The following GASK1A variants were observed in gnomAD, a reference collection of about 807,000 sequenced individuals.
The protein encoded by GASK1A is golgi associated kinase 1A, also known as Golgi-associated kinase 1A.
In GASK1A, 40 loss-of-function variants were observed where a neutral mutation model predicts 41.2. That is an observed-to-expected ratio of 0.97 (90% CI 0.75 to 1.27). The LOEUF is 1.27. GASK1A is among the 50% of genes most tolerant of loss of function. The pLI is 0.00. For missense variants in GASK1A, 678 were observed against 745.1 expected (o/e 0.91, Z 1.05); for synonymous variants, 316 against 307.1 (o/e 1.03, Z -0.30).
Position 43,007,481 on chromosome 3 carries a change from G to A in GASK1A, c.4-24786G>A, listed in dbSNP as rs1042638556. Among the ~76,000 whole-genome samples the A allele has an allele frequency of 4.6e-5, 7 of 152,104 alleles. No homozygotes were observed. The East Asian group carries it at 1.2e-3, about 25-fold the overall frequency. ...TGGGTGTCTAGCTTCTTCTTAAGTC[G>A]ACTTTCAGCCAATCCTTTTGTTTTT... On this transcript the variant is annotated intron_variant, in intron 1 of 4. Coordinates refer to ENST00000430121, the MANE Select transcript of GASK1A (RefSeq NM_001129908.3).
At chr3:43,043,181 G>A (rs757074131) in intron 2 of GASK1A, among the ~76,000 whole-genome samples, 8 of 152,160 alleles carry the variant, frequency 5.3e-5, no homozygotes, top group Non-Finnish European at 1.0e-4. Context: ...CCTTTCCACC[G>A]TGAAGGTCCC....
intron 3 of GASK1A, among the ~76,000 whole-genome samples, chr3:43,054,590 C>T (rs1482715123): frequency 6.6e-6 from 1 of 152,074 alleles, no homozygotes; most frequent in Admixed American, 6.5e-5. Context: ...GTCCTGGAAA[C>T]AGAAGTTCAT....
chr3:43,005,267 C>T (rs796527007), intron 1 of GASK1A, among the ~76,000 whole-genome samples: 19 of 152,322 alleles, frequency 1.2e-4, no homozygotes, highest in African/African-American at 2.6e-4. Flanking sequence ...GATATCTTAA[C>T]GGCTGAGCAG....
intron 1 of GASK1A, among the ~76,000 whole-genome samples, chr3:42,981,677 A>G (rs1231308307): frequency 6.6e-6 from 1 of 152,230 alleles, no homozygotes; most frequent in Non-Finnish European, 1.5e-5. Context: ...GCTGAGAACC[A>G]CAGGGCAAGA....
chr3:42,993,359 T>C (rs1309976257), intron 1 of GASK1A, among the ~76,000 whole-genome samples: 3 of 152,220 alleles, frequency 2.0e-5, no homozygotes, highest in Non-Finnish European at 4.4e-5. Context: ...CTTTGAAATG[T>C]AGTTTTTATT....
At chr3:42,999,313 C>A (rs2089394039) in intron 1 of GASK1A, among the ~76,000 whole-genome samples, 1 of 152,224 alleles carries the variant, frequency 6.6e-6, no homozygotes, top group Non-Finnish European at 1.5e-5. Context: ...CTGGACGGAG[C>A]TGGTGCATAC....
chr3:43,037,678 A>G lies in GASK1A; in HGVS notation c.1290+4125A>G, dbSNP rs188632872. ...TAAAACAAAAAAGAGAAAGAAAATG[A>G]AGAGCATTTGACTCCCACTCTTAAA... On this transcript the variant is annotated intron_variant, in intron 2 of 4. Coordinates refer to ENST00000430121, the MANE Select transcript of GASK1A (RefSeq NM_001129908.3). Among the ~76,000 whole-genome samples, 374 of 152,338 alleles carry G rather than the reference A, an allele frequency of 2.5e-3. 1 individual carries two copies. Among genetic ancestry groups the G allele is most frequent in the African/African-American group, 8.8e-3 (364 of 41,584 alleles).
chr3:43,036,086 C>G lies in GASK1A; in HGVS notation c.1290+2533C>G, dbSNP rs149437362. On this transcript the variant is annotated intron_variant, in intron 2 of 4. Transcript: ENST00000430121. Reference sequence around the variant, plus strand: ...GCTTGCAGCTGCTCTCTGCTCCACACAGAGCCCCTCTGTTCACCTCTCAGG... The same window carrying G: ...GCTTGCAGCTGCTCTCTGCTCCACAGAGAGCCCCTCTGTTCACCTCTCAGG... 9.2e-5 allele frequency among the ~76,000 whole-genome samples: 14 copies of G among 152,386 alleles called. No homozygotes were observed. The East Asian group carries it at 2.7e-3, about 29-fold the overall frequency.
In GASK1A at chr3:43,056,233, G is replaced by A; in HGVS notation, c.1575G>A (p.Leu525=). ...CAGGGTGTCTACAGAACATGCTGCT[G>A]AAGTCGCTGCAGATGGACCCAGTGT... The part of the protein sequence containing the change: ...LASGCLQNML[L]KSLQMDPVFW... Residue 525 remains leucine, a synonymous_variant, in exon 5 of 5, where the codon CTG becomes CTA. Coordinates refer to ENST00000430121, the MANE Select transcript of GASK1A (RefSeq NM_001129908.3). The A allele has an allele frequency of 6.4e-7, 1 of 1,551,748 alleles. No homozygotes were observed. The highest frequency in any genetic ancestry group is 8.7e-7 in the Non-Finnish European group (1 of 1,146,998).
rs373649065 is a variant in GASK1A, at chr3:43,012,865, A to G, written c.4-19402A>G. 6.4e-3 allele frequency among the ~76,000 whole-genome samples: 712 copies of G among 110,456 alleles called. 8 individuals carry two copies. Among genetic ancestry groups the G allele is most frequent in the Middle Eastern group, 0.053 (6 of 114 alleles). 72.5% of individuals were successfully genotyped at this position (110,456 alleles called of 152,430 possible). On this transcript the variant is annotated intron_variant, in intron 1 of 4. Transcript: ENST00000430121. ...CAGTGTGAAGTCACAGGAAGGGGCAATGGGGTCACAGGAAGGGGCTATGTG... is the reference window on the plus strand; with the variant it reads ...CAGTGTGAAGTCACAGGAAGGGGCAGTGGGGTCACAGGAAGGGGCTATGTG...
chr3:42,979,678 G>T, intron 1 of GASK1A, 33 bp downstream of exon 1: 1 of 1,246,012 alleles, frequency 8.0e-7, no homozygotes, highest in Non-Finnish European at 1.0e-6. Flanking sequence ...CGCGAGCGGA[G>T]GGTGGGGCGA....
chr3:42,986,457 G>T (rs619660), intron 1 of GASK1A, among the ~76,000 whole-genome samples: 116,339 of 152,050 alleles, frequency 0.77, 44,971 homozygotes, highest in East Asian at 0.97. Context: ...AAAGTTTCAG[G>T]TTTACTGTAT....
rs937111269 is a variant in GASK1A, at chr3:43,032,674, C to T, written c.411C>T (p.Leu137=). Residue 137 remains leucine, a synonymous_variant, in exon 2 of 5, where the codon CTC becomes CTT. Coordinates refer to ENST00000430121, the MANE Select transcript of GASK1A (RefSeq NM_001129908.3). ...HPRLSTQHVV[L]LREDEVGDPG... is the part of the protein sequence containing the mutation. ...GACTCAGTACTCAGCATGTTGTGCT[C>T]CTGAGGGAGGATGAGGTTGGAGATC... 6.8e-5 allele frequency: 106 copies of T among 1,551,558 alleles called. No homozygotes were observed. Among genetic ancestry groups the T allele is most frequent in the Non-Finnish European group, 8.2e-5 (94 of 1,147,008 alleles).
At chr3:43,042,710 G>A (rs1170947871) in intron 2 of GASK1A, among the ~76,000 whole-genome samples, 1 of 152,154 alleles carries the variant, frequency 6.6e-6, no homozygotes, top group African/African-American at 2.4e-5. Context: ...TTGCGTTGAT[G>A]TTTAAAATTT....
chr3:43,027,838 C>A (rs2089553327), intron 1 of GASK1A, among the ~76,000 whole-genome samples: 1 of 152,136 alleles, frequency 6.6e-6, no homozygotes, highest in African/African-American at 2.4e-5. Flanking sequence ...TTATTCTGAG[C>A]CAAATATGAG....
chr3:43,055,473 C>T lies in GASK1A; in HGVS notation c.1455C>T (p.Asn485=), dbSNP rs144685895. The change falls in exon 4 of 5, where the codon AAC becomes AAT. Residue 485 remains asparagine, a synonymous_variant. Transcript: ENST00000430121. The stretch of plus-strand genomic sequence containing the variant: ...CATCTCACCTGGTCTACATCGATAA[C>T]GCTGGCAACCTTCAGCACCCTGAGG... The part of the protein sequence containing the change: ...SDPSHLVYID[N]AGNLQHPEDK... 153 of 1,551,892 alleles carry T rather than the reference C, an allele frequency of 9.9e-5. No homozygotes were observed. Among genetic ancestry groups the T allele is most frequent in the Middle Eastern group, 1.7e-4 (1 of 5,990 alleles).
intron 1 of GASK1A, among the ~76,000 whole-genome samples, chr3:43,026,358 A>C (rs2089546887): frequency 6.6e-6 from 1 of 152,226 alleles, no homozygotes; most frequent in African/African-American, 2.4e-5. Context: ...TGACTGGTCC[A>C]ACTCATACAA....
chr3:43,032,455 G>A lies in GASK1A; in HGVS notation c.192G>A (p.Leu64=), dbSNP rs1171942491. 12 of 1,551,136 alleles carry A rather than the reference G, an allele frequency of 7.7e-6. No individual in the cohort carries two copies. The highest frequency in any genetic ancestry group is 3.9e-5 in the Admixed American group (2 of 50,964). ...CTGCAACCCATATCCGGCAGGCTTT[G>A]AGCTCCAGCCGGAGGCAGCGGGCAA... ...GAPATHIRQA[L]SSSRRQRARN... is the part of the protein sequence containing the mutation. Residue 64 remains leucine (L), a synonymous_variant, in exon 2 of 5, where the codon TTG becomes TTA. Transcript: ENST00000430121.
At chr3:43,022,037 T>G (rs1363769874) in intron 1 of GASK1A, among the ~76,000 whole-genome samples, 1 of 152,204 alleles carries the variant, frequency 6.6e-6, no homozygotes, top group African/African-American at 2.4e-5. Context: ...ACAGGGTGTG[T>G]AATTTCGATG....
Sources: allele counts gnomAD v4.1 joint callset (sites outside exome capture counted in the v4.1 genomes callset), GRCh38; gene constraint gnomAD v4.1.1; transcripts MANE v1.5; gene names NCBI Gene and HGNC (gene_info 2026-07-23, HGNC 2026-07-21).